Variants in UBAC1 observed in about 807,000 individuals in gnomAD.
UBAC1 encodes ubiquitin-associated domain-containing protein 1.
UBAC1 carries 27 observed loss-of-function variants against 45.9 expected under a neutral mutation model. That is an observed-to-expected ratio of 0.59 (90% CI 0.43 to 0.81). The LOEUF (loss-of-function observed/expected upper bound fraction) is 0.81, where lower values mean the gene tolerates loss of function less well. Ranked by LOEUF, UBAC1 falls within the 30% of genes least tolerant of loss-of-function variation. UBAC1 has a pLI of 0.00. For synonymous variants in UBAC1, 227 were observed against 215.5 expected (o/e 1.05, Z -0.47); for missense variants, 529 against 539.2 (o/e 0.98, Z 0.19).
chr9:135,941,512 G>A (rs565431055), intron 7 of UBAC1, among the ~76,000 whole-genome samples: 4 of 152,276 alleles, frequency 2.6e-5, no homozygotes, highest in Admixed American at 6.5e-5. Flanking sequence ...AGAACCCACC[G>A]CACAATATTT....
intron 9 of UBAC1, among the ~76,000 whole-genome samples, chr9:135,937,427 C>G (rs560372593): frequency 1.7e-5 from 2 of 119,616 alleles, no homozygotes; most frequent in African/African-American, 6.4e-5. Flanking sequence ...GGTGACAAGG[C>G]GAGACTCTGT....
At chr9:135,942,750 T>C (rs1839284815) in intron 7 of UBAC1, among the ~76,000 whole-genome samples, 1 of 151,932 alleles carries the variant, frequency 6.6e-6, no homozygotes, top group Admixed American at 6.6e-5. Flanking sequence ...GACAGAAAGC[T>C]AGCCCTGGGA....
chr9:135,953,182 G>C (rs1322980435), intron 3 of UBAC1, among the ~76,000 whole-genome samples: 1 of 152,214 alleles, frequency 6.6e-6, no homozygotes. Context: ...GAGGGACCAG[G>C]ACTGACACGG....
At chr9:135,945,625 G>A (rs1269035876) in intron 6 of UBAC1, 1 of 559,344 alleles carries the variant, frequency 1.8e-6, no homozygotes. Flanking sequence ...TGAGAAGACT[G>A]TTAGAGGCCG....
Position 135,934,531 on chromosome 9 carries a change from G to T in UBAC1, c.1103-1016C>A, listed in dbSNP as rs138882581. The stretch of plus-strand genomic sequence containing the variant: ...AAAAATTAGCTGGGCGTGGTGGCAG[G>T]CGCCTATAATCCCAGCTACTCGGAA... On this transcript the variant is annotated intron_variant, in intron 9 of 9. Transcript: ENST00000371756. Among the ~76,000 whole-genome samples, 373 of 152,272 alleles carry T rather than the reference G, an allele frequency of 2.4e-3. 1 individual carries two copies. The highest frequency in any genetic ancestry group is 8.7e-3 in the African/African-American group (362 of 41,556).
At chr9:135,950,137 C>T (rs7026477) in intron 3 of UBAC1, among the ~76,000 whole-genome samples, 116,436 of 152,176 alleles carry the variant, frequency 0.77, 44,655 homozygotes, top group African/African-American at 0.81. Flanking sequence ...ACACAGCCCT[C>T]CGGCACCCTG....
Position 135,945,105 on chromosome 9 carries a change from C to G in UBAC1, c.799G>C (p.Asp267His), listed in dbSNP as rs752631024. The G allele has an allele frequency of 1.9e-6, 3 of 1,613,700 alleles. No individual in the cohort carries two copies. Among genetic ancestry groups the G allele is most frequent in the Admixed American group, 3.3e-5 (2 of 59,990 alleles). ...SEAAAGASAT[D>H]EEARDELTEI... ...GTCAGCTCATCTCTGGCCTCCTCAT[C>G]GGTGGCGCTGGCTCCCGCGGCAGCC... is the stretch of plus-strand genomic sequence containing the variant. Residue 267 changes from aspartate to histidine, a missense_variant, in exon 7 of 10, where the codon GAT becomes CAT. Coordinates refer to ENST00000371756, the MANE Select transcript of UBAC1 (RefSeq NM_016172.3).
intron 9 of UBAC1, 46 bp downstream of exon 9, chr9:135,938,176 G>A (rs759299540): frequency 6.2e-7 from 1 of 1,600,682 alleles, no homozygotes; most frequent in South Asian, 1.1e-5. Context: ...AAGGGAACCA[G>A]CCAGCCTCCC....
chr9:135,934,813 AAAAGAT>A (rs1381415639), intron 9 of UBAC1, among the ~76,000 whole-genome samples: 1 of 152,240 alleles, frequency 6.6e-6, no homozygotes, highest in East Asian at 1.9e-4. Context: ...GAGTTGAACA[AAAAGAT>A]AAAGAGTTAA....
chr9:135,947,314 C>T (rs752900954), intron 4 of UBAC1, among the ~76,000 whole-genome samples: 4 of 151,936 alleles, frequency 2.6e-5, no homozygotes, highest in Non-Finnish European at 5.9e-5. Context: ...TACGATGATG[C>T]AATCTCGGCT....
intron 1 of UBAC1, among the ~76,000 whole-genome samples, chr9:135,957,493 A>G (rs1449977424): frequency 6.6e-6 from 1 of 152,174 alleles, no homozygotes; most frequent in Non-Finnish European, 1.5e-5. Context: ...ACAACACGGA[A>G]GCACTAGGAC....
intron 7 of UBAC1, among the ~76,000 whole-genome samples, chr9:135,942,650 CAAAAAAA>C (rs35653463): frequency 1.0e-5 from 1 of 95,840 alleles, no homozygotes. Flanking sequence ...GAAACTGTCT[CAAAAAAA>C]AAAAAAAAAA....
intron 7 of UBAC1, among the ~76,000 whole-genome samples, chr9:135,943,150 T>C (rs1184633587): frequency 6.6e-6 from 1 of 152,198 alleles, no homozygotes; most frequent in Non-Finnish European, 1.5e-5. Context: ...CCGGGCGCAG[T>C]GTCTCACACC....
intron 7 of UBAC1, among the ~76,000 whole-genome samples, chr9:135,941,382 G>A (rs1839267604): frequency 6.6e-6 from 1 of 152,088 alleles, no homozygotes; most frequent in Non-Finnish European, 1.5e-5. Context: ...CTCCAGCCTG[G>A]GCGACACAGT....
intron 5 of UBAC1, 97 bp from the exon 6 acceptor site, chr9:135,946,094 C>G (rs1293827959): frequency 8.0e-7 from 1 of 1,244,306 alleles, no homozygotes; most frequent in Non-Finnish European, 1.2e-6. Flanking sequence ...CTGAGCTCCA[C>G]CTGCCCGCCC....
intron 3 of UBAC1, among the ~76,000 whole-genome samples, chr9:135,948,826 T>A (rs181222638): frequency 3.3e-5 from 5 of 152,194 alleles, no homozygotes; most frequent in Admixed American, 3.3e-4. Flanking sequence ...TCCCAGCACT[T>A]TGGGAGGCCA....
Position 135,945,869 on chromosome 9 carries a change from G to A in UBAC1, c.653+20C>T, listed in dbSNP as rs1839325148. ...GCCCCAGGTGTCTCCGGCAAGGGAA[G>A]GAGGTGGCCCCCCACGCACTGGTTC... is the stretch of plus-strand genomic sequence containing the variant. On this transcript the variant is annotated intron_variant, in intron 6 of 9. Coordinates refer to ENST00000371756, the MANE Select transcript of UBAC1 (RefSeq NM_016172.3). 3 of 1,608,870 alleles carry A rather than the reference G, an allele frequency of 1.9e-6. No homozygotes were observed. The Admixed American group carries it at 5.0e-5, about 27-fold the overall frequency.
chr9:135,959,299 C>T (rs1839504314), intron 1 of UBAC1, among the ~76,000 whole-genome samples: 1 of 151,816 alleles, frequency 6.6e-6, no homozygotes, highest in Non-Finnish European at 1.5e-5. Context: ...AAACCGAACC[C>T]CTGAGGAGCT....
At chr9:135,937,240 G>A (rs377390960) in intron 9 of UBAC1, among the ~76,000 whole-genome samples, 38 of 152,042 alleles carry the variant, frequency 2.5e-4, no homozygotes, top group Admixed American at 3.3e-4. Flanking sequence ...TCAGGAGTTC[G>A]AGACCAGCCT....
Sources: gnomAD v4.1 joint callset for allele counts (sites outside exome capture counted in the v4.1 genomes callset) on GRCh38, gnomAD v4.1.1 for gene constraint, MANE v1.5 for transcripts, NCBI Gene and HGNC (gene_info 2026-07-23, HGNC 2026-07-21) for gene names.